The following CTNND2 variants were observed in gnomAD, a reference collection of about 807,000 sequenced individuals.
CTNND2 encodes the protein catenin delta 2, also known as catenin delta-2.
CTNND2 carries 22 observed loss-of-function variants against 144.4 expected under a neutral mutation model. The ratio of observed to expected loss-of-function variants is 0.15; its 90% CI spans 0.11 to 0.22. The LOEUF is 0.22. CTNND2 is among the 10% of genes least tolerant of loss of function. CTNND2 has a pLI of 1.00. For missense variants in CTNND2, 1,353 were observed against 1,618.8 expected (o/e 0.84, Z 2.82); for synonymous variants, 751 against 695.6 (o/e 1.08, Z -1.25).
intron 1 of CTNND2, among the ~76,000 whole-genome samples, chr5:11,733,439 GTGTT>G (rs1787507671): frequency 6.6e-6 from 1 of 152,158 alleles, no homozygotes; most frequent in African/African-American, 2.4e-5. Flanking sequence ...GAAGTCTTCT[GTGTT>G]TGTTGTTGTT....
chr5:11,472,012 C>T (rs1318529491), intron 3 of CTNND2, among the ~76,000 whole-genome samples: 1 of 152,160 alleles, frequency 6.6e-6, no homozygotes, highest in South Asian at 2.1e-4. Context: ...TTTTCAGAAG[C>T]GAACACTGTC....
chr5:11,045,205 C>T (rs958252218), intron 16 of CTNND2, among the ~76,000 whole-genome samples: 24 of 152,056 alleles, frequency 1.6e-4, no homozygotes, highest in South Asian at 2.1e-4. Flanking sequence ...CTGGGTAATT[C>T]GTAAAGAAAA....
At chr5:11,689,193 C>G (rs1784786676) in intron 2 of CTNND2, among the ~76,000 whole-genome samples, 1 of 152,206 alleles carries the variant, frequency 6.6e-6, no homozygotes, top group African/African-American at 2.4e-5. Flanking sequence ...GACTCAGCAT[C>G]TACTACTGAT....
rs947499322 is a variant in CTNND2, at chr5:11,287,645, G to A, written c.1629-50822C>T. On this transcript the variant is annotated intron_variant, in intron 9 of 21. Transcript: ENST00000304623. ...TATGCAGGAATAACAGTCCATATAC[G>A]ACCTTTACAGTACTATAAAGGGATG... Among the ~76,000 whole-genome samples, 5 of 152,156 alleles carry A rather than the reference G, an allele frequency of 3.3e-5. No individual in the cohort carries two copies. The East Asian group carries it at 5.8e-4, about 18-fold the overall frequency.
intron 1 of CTNND2, among the ~76,000 whole-genome samples, chr5:11,801,800 T>C (rs1455341852): frequency 6.6e-6 from 1 of 152,214 alleles, no homozygotes; most frequent in East Asian, 1.9e-4. Flanking sequence ...GAGTTGCATA[T>C]AGTGATCTAA....
intron 18 of CTNND2, among the ~76,000 whole-genome samples, chr5:11,014,301 T>G (rs1041735525): frequency 6.6e-6 from 1 of 152,170 alleles, no homozygotes; most frequent in Non-Finnish European, 1.5e-5. Flanking sequence ...TTTCAGTCAC[T>G]CCATTTCTTT....
intron 3 of CTNND2, among the ~76,000 whole-genome samples, chr5:11,425,238 A>C (rs1561373586): frequency 6.6e-6 from 1 of 152,218 alleles, no homozygotes. Context: ...CTCTGGAAGC[A>C]TATTTACTGA....
At chr5:11,174,072 T>A (rs1334620286) in intron 11 of CTNND2, among the ~76,000 whole-genome samples, 1 of 151,952 alleles carries the variant, frequency 6.6e-6, no homozygotes, top group Non-Finnish European at 1.5e-5. Flanking sequence ...CGGCTGGATG[T>A]GGGGGTGCAG....
Position 10,972,008 on chromosome 5 carries a change from C to T in CTNND2, c.*1445G>A, listed in dbSNP as rs1056966203. 1 of 152,630 alleles carries T rather than the reference C, an allele frequency of 6.6e-6. No homozygotes were observed. Among genetic ancestry groups the T allele is most frequent in the African/African-American group, 2.4e-5 (1 of 41,436 alleles). The allele number at this position is 152,630 out of a possible 1,614,324, so 9.5% of individuals were successfully genotyped here. On this transcript the variant is annotated 3_prime_UTR_variant, in exon 22 of 22. Coordinates refer to ENST00000304623, the MANE Select transcript of CTNND2 (RefSeq NM_001332.4). The stretch of plus-strand genomic sequence containing the variant: ...CTGTTAACCACTATTCTAACGTTAG[C>T]TTCAAGTTCAGTTTTAATAATCTAT...
intron 1 of CTNND2, among the ~76,000 whole-genome samples, chr5:11,812,349 T>A (rs547566964): frequency 2.0e-5 from 3 of 152,290 alleles, no homozygotes; most frequent in Admixed American, 6.5e-5. Flanking sequence ...TCAAAATAGA[T>A]CCAAATGCTT....
At chr5:11,158,972 C>T (rs1035124550) in intron 12 of CTNND2, among the ~76,000 whole-genome samples, 2 of 152,130 alleles carry the variant, frequency 1.3e-5, no homozygotes, top group African/African-American at 2.4e-5. Context: ...AAAGTTGATT[C>T]TAAGAAATCT....
rs531512814 is a variant in CTNND2, at chr5:11,612,800, T to A, written c.175-47744A>T. ...TCGTAGTCCCATCAACTTGGGAGGTTAAGGCGGGAGGATCACTTGAGCCCT... is the reference window on the plus strand; with the variant it reads ...TCGTAGTCCCATCAACTTGGGAGGTAAAGGCGGGAGGATCACTTGAGCCCT... On this transcript the variant is annotated intron_variant, in intron 2 of 21. Coordinates refer to ENST00000304623, the MANE Select transcript of CTNND2 (RefSeq NM_001332.4). Among the ~76,000 whole-genome samples the A allele has an allele frequency of 8.9e-4, 135 of 152,122 alleles. 1 individual carries two copies. Among genetic ancestry groups the A allele is most frequent in the African/African-American group, 3.2e-3 (131 of 41,508 alleles).
chr5:11,833,768 C>A (rs1352508350), intron 1 of CTNND2, among the ~76,000 whole-genome samples: 2 of 152,116 alleles, frequency 1.3e-5, no homozygotes, highest in Non-Finnish European at 2.9e-5. Flanking sequence ...AGGTGATCCA[C>A]CCTCCTCAGT....
chr5:11,891,883 T>C (rs1294463650), intron 1 of CTNND2, among the ~76,000 whole-genome samples: 2 of 152,212 alleles, frequency 1.3e-5, no homozygotes, highest in Non-Finnish European at 2.9e-5. Flanking sequence ...ACTTCTGAGA[T>C]GACAGGGAAT....
At chr5:11,826,315 T>G (rs560342698) in intron 1 of CTNND2, among the ~76,000 whole-genome samples, 27 of 151,840 alleles carry the variant, frequency 1.8e-4, no homozygotes, top group Non-Finnish European at 3.4e-4. Context: ...CCAAACACAA[T>G]AAATCCTATA....
intron 16 of CTNND2, among the ~76,000 whole-genome samples, chr5:11,026,381 A>G (rs1028274104): frequency 2.2e-5 from 2 of 89,352 alleles, no homozygotes; most frequent in African/African-American, 6.1e-5. Flanking sequence ...TTTTTTTAAG[A>G]CAGTCTCACT....
At chr5:11,684,475 TG>T (rs981914260) in intron 2 of CTNND2, among the ~76,000 whole-genome samples, 3 of 152,190 alleles carry the variant, frequency 2.0e-5, no homozygotes, top group Non-Finnish European at 4.4e-5. Flanking sequence ...ATTGTTTCAT[TG>T]AAAAAAATGA....
chr5:11,004,534 T>C (rs887344412), intron 18 of CTNND2, among the ~76,000 whole-genome samples: 1 of 152,200 alleles, frequency 6.6e-6, no homozygotes, highest in African/African-American at 2.4e-5. Flanking sequence ...GAGGCCGAGG[T>C]GGGTGGATCA....
chr5:11,088,500 C>G (rs1251356312), intron 15 of CTNND2, among the ~76,000 whole-genome samples: 1 of 152,158 alleles, frequency 6.6e-6, no homozygotes, highest in Non-Finnish European at 1.5e-5. Context: ...AACTTTTCAT[C>G]TACATATTTT....
Sources: allele counts gnomAD v4.1 joint callset (sites outside exome capture counted in the v4.1 genomes callset), GRCh38; gene constraint gnomAD v4.1.1; transcripts MANE v1.5; gene names NCBI Gene and HGNC (gene_info 2026-07-23, HGNC 2026-07-21).